The following TSPAN18 variants were observed in gnomAD, a reference collection of about 807,000 sequenced individuals.
TSPAN18 encodes tetraspanin 18.
Under a neutral mutation model 27.3 loss-of-function variants are expected in TSPAN18, and 14 were observed. That is an observed-to-expected ratio of 0.51 (90% CI 0.34 to 0.80). The LOEUF (loss-of-function observed/expected upper bound fraction) is 0.80, where lower values mean the gene tolerates loss of function less well. Ranked by LOEUF, TSPAN18 falls within the 30% of genes least tolerant of loss-of-function variation. TSPAN18 has a pLI of 0.01. For missense variants in TSPAN18, 268 were observed against 323.9 expected (o/e 0.83, Z 1.32); for synonymous variants, 143 against 136.5 (o/e 1.05, Z -0.33).
intron 8 of TSPAN18, among the ~76,000 whole-genome samples, chr11:44,921,032 C>A (rs559160897): frequency 2.2e-4 from 33 of 152,266 alleles, no homozygotes; most frequent in African/African-American, 7.9e-4. Flanking sequence ...GGGGCTCTGG[C>A]GGGCCCTTTC....
intron 9 of TSPAN18, among the ~76,000 whole-genome samples, chr11:44,928,404 G>A (rs1341143494): frequency 6.6e-6 from 1 of 152,178 alleles, no homozygotes; most frequent in Non-Finnish European, 1.5e-5. Context: ...TGGGCTCTGG[G>A]GTCACAATGC....
chr11:44,800,947 C>A (rs1856466967), intron 2 of TSPAN18, among the ~76,000 whole-genome samples: 1 of 152,158 alleles, frequency 6.6e-6, no homozygotes, highest in Non-Finnish European at 1.5e-5. Context: ...GGGCCTGACC[C>A]ACAGCCCAGA....
rs999670588 is a variant in TSPAN18, at chr11:44,888,908, G to A, written c.-10-17499G>A. Among the ~76,000 whole-genome samples the A allele has an allele frequency of 5.9e-5, 9 of 152,310 alleles. No individual in the cohort carries two copies. The South Asian group carries it at 1.0e-3, about 18-fold the overall frequency. Reference sequence around the variant, plus strand: ...TCTTGAATTGTAATCCCCATGTGTCGAGGGAGGAAAGTAATTGGATTATGG... The same window carrying A: ...TCTTGAATTGTAATCCCCATGTGTCAAGGGAGGAAAGTAATTGGATTATGG... On this transcript the variant is annotated intron_variant, in intron 3 of 9. Coordinates refer to ENST00000520358, the MANE Select transcript of TSPAN18 (RefSeq NM_130783.5).
intron 2 of TSPAN18, among the ~76,000 whole-genome samples, chr11:44,773,811 T>C (rs1233471990): frequency 6.6e-6 from 1 of 152,180 alleles, no homozygotes; most frequent in Non-Finnish European, 1.5e-5. Flanking sequence ...CCTGGCGTCC[T>C]GGGAACCCTG....
At chr11:44,755,130 C>G (rs1037790042) in intron 1 of TSPAN18, among the ~76,000 whole-genome samples, 1 of 152,188 alleles carries the variant, frequency 6.6e-6, no homozygotes, top group Admixed American at 6.5e-5. Flanking sequence ...CATTCCCTCC[C>G]TCCCTGGCCC....
intron 2 of TSPAN18, among the ~76,000 whole-genome samples, chr11:44,785,737 A>T (rs2134965177): frequency 6.6e-6 from 1 of 152,178 alleles, no homozygotes; most frequent in East Asian, 1.9e-4. Flanking sequence ...ACTTTGTAGA[A>T]CTTTGTACTT....
At chr11:44,848,847 TC>T (rs1318618696) in intron 2 of TSPAN18, among the ~76,000 whole-genome samples, 1 of 151,890 alleles carries the variant, frequency 6.6e-6, no homozygotes, top group South Asian at 2.1e-4. Context: ...ACCGTGGGGC[TC>T]CCCCCACCCC....
In TSPAN18 at chr11:44,918,001, G is replaced by C; in HGVS notation, c.288G>C (p.Leu96=). The C allele has an allele frequency of 6.2e-7, 1 of 1,614,124 alleles. No homozygotes were observed. The highest frequency in any genetic ancestry group is 8.5e-7 in the Non-Finnish European group (1 of 1,180,024). The change falls in exon 6 of 10, where the codon CTG becomes CTC. Residue 96 remains leucine, a synonymous_variant. Transcript: ENST00000520358. ...FFFLFILIIF[L]AELSAAILAF... Reference sequence around the variant, plus strand: ...TCCTGTTCATCCTGATCATCTTCCTGGCAGAGCTCTCAGCAGCCATCCTGG... The same window carrying C: ...TCCTGTTCATCCTGATCATCTTCCTCGCAGAGCTCTCAGCAGCCATCCTGG...
chr11:44,779,488 G>T (rs1855888768), intron 2 of TSPAN18, among the ~76,000 whole-genome samples: 1 of 152,074 alleles, frequency 6.6e-6, no homozygotes, highest in African/African-American at 2.4e-5. Flanking sequence ...AGCGTCCTAG[G>T]CTGGGAGCCT....
intron 2 of TSPAN18, among the ~76,000 whole-genome samples, chr11:44,768,513 G>T (rs1193520012): frequency 6.6e-6 from 1 of 151,614 alleles, no homozygotes; most frequent in Non-Finnish European, 1.5e-5. Flanking sequence ...ATTTCTTTCA[G>T]GTTTTCTACA....
intron 1 of TSPAN18, among the ~76,000 whole-genome samples, chr11:44,735,437 G>A (rs1003399854): frequency 6.6e-6 from 1 of 152,200 alleles, no homozygotes; most frequent in Non-Finnish European, 1.5e-5. Context: ...TCTGTCTGAG[G>A]GCTCTAGGGA....
chr11:44,820,750 T>A (rs1056516283), intron 2 of TSPAN18, among the ~76,000 whole-genome samples: 1 of 151,974 alleles, frequency 6.6e-6, no homozygotes, highest in Non-Finnish European at 1.5e-5. Flanking sequence ...GGGTGGATCC[T>A]TTATGTCATG....
chr11:44,793,980 G>A (rs1258424688), intron 2 of TSPAN18, among the ~76,000 whole-genome samples: 1 of 152,216 alleles, frequency 6.6e-6, no homozygotes, highest in Non-Finnish European at 1.5e-5. Flanking sequence ...GAGGAACAGG[G>A]GGGTGGGGGG....
At chr11:44,864,824 C>T (rs12798814) in intron 3 of TSPAN18, among the ~76,000 whole-genome samples, 4 of 152,188 alleles carry the variant, frequency 2.6e-5, no homozygotes, top group Non-Finnish European at 4.4e-5. Context: ...TTCTGGAGGA[C>T]GCCAAGCCTG....
intron 2 of TSPAN18, among the ~76,000 whole-genome samples, chr11:44,801,465 T>G (rs1460729094): frequency 6.6e-6 from 1 of 152,174 alleles, no homozygotes; most frequent in Non-Finnish European, 1.5e-5. Flanking sequence ...GAGCTGGGCA[T>G]ACAGAAGGTA....
chr11:44,890,444 C>A (rs1488416637), intron 3 of TSPAN18, among the ~76,000 whole-genome samples: 1 of 151,990 alleles, frequency 6.6e-6, no homozygotes, highest in Non-Finnish European at 1.5e-5. Flanking sequence ...AATTTCTTGG[C>A]CGGGAGCAAT....
chr11:44,918,402 G>A (rs1859993888), intron 6 of TSPAN18, among the ~76,000 whole-genome samples: 1 of 152,166 alleles, frequency 6.6e-6, no homozygotes, highest in African/African-American at 2.4e-5. Context: ...GACTGCTCTC[G>A]GAGGAGGCCC....
intron 2 of TSPAN18, among the ~76,000 whole-genome samples, chr11:44,842,859 C>T (rs1195175255): frequency 2.0e-5 from 3 of 152,136 alleles, no homozygotes; most frequent in Non-Finnish European, 4.4e-5. Context: ...AGAATGTTCC[C>T]ATCCCTCCAG....
intron 1 of TSPAN18, among the ~76,000 whole-genome samples, chr11:44,757,948 A>T (rs1455573261): frequency 1.3e-5 from 2 of 152,054 alleles, no homozygotes; most frequent in Non-Finnish European, 2.9e-5. Context: ...TTGTCTTTTG[A>T]TGCACAAATT....
Sources: gnomAD v4.1 joint callset for allele counts (sites outside exome capture counted in the v4.1 genomes callset) on GRCh38, gnomAD v4.1.1 for gene constraint, MANE v1.5 for transcripts, NCBI Gene and HGNC (gene_info 2026-07-23, HGNC 2026-07-21) for gene names.